The following NCOA6 variants were observed in gnomAD, a reference collection of about 807,000 sequenced individuals.
The protein encoded by NCOA6 is nuclear receptor coactivator 6, also known as NRC RAP250.
NCOA6 carries 49 observed loss-of-function variants against 171.4 expected under a neutral mutation model. That is an observed-to-expected ratio of 0.29 (90% CI 0.23 to 0.36). NCOA6 has a LOEUF of 0.36. Among genes scored for constraint, NCOA6 ranks in the 10% least tolerant of loss-of-function variants. The pLI is 1.00. For synonymous variants in NCOA6, 910 were observed against 927.5 expected, an observed-to-expected ratio of 0.98 and a Z score of 0.34; for missense variants, 2,248 against 2,554.5, an observed-to-expected ratio of 0.88 and a Z score of 2.59.
chr20:34,793,959 C>T (rs1262248874), intron 1 of NCOA6, among the ~76,000 whole-genome samples: 1 of 152,052 alleles, frequency 6.6e-6, no homozygotes, highest in Non-Finnish European at 1.5e-5. Flanking sequence ...AAGATGTTTA[C>T]CCTCACACAA....
chr20:34,788,017 C>A (rs1248531579), intron 2 of NCOA6, among the ~76,000 whole-genome samples: 1 of 152,036 alleles, frequency 6.6e-6, no homozygotes. Context: ...CAGGCAGATG[C>A]CACCACGCTT....
intron 5 of NCOA6, among the ~76,000 whole-genome samples, chr20:34,761,956 C>G (rs993042384): frequency 2.6e-5 from 4 of 152,120 alleles, no homozygotes; most frequent in Non-Finnish European, 5.9e-5. Context: ...GCCCGGCTGA[C>G]TGCATGGTTT....
intron 1 of NCOA6, among the ~76,000 whole-genome samples, chr20:34,804,127 G>A (rs193109161): frequency 4.4e-4 from 67 of 152,084 alleles, no homozygotes; most frequent in South Asian, 2.9e-3. Context: ...ACCTGAGGTC[G>A]GGAGTTGGAG....
chr20:34,737,941 C>T (rs776377181), intron 11 of NCOA6, among the ~76,000 whole-genome samples: 1 of 152,184 alleles, frequency 6.6e-6, no homozygotes, highest in Non-Finnish European at 1.5e-5. Flanking sequence ...CTCTGTTGCC[C>T]AGGCTGTAGT....
At chr20:34,715,446 C>A (rs779116933) in intron 14 of NCOA6, 81 bp from the exon 15 acceptor site, 61 of 1,035,226 alleles carry the variant, frequency 5.9e-5, no homozygotes, top group Non-Finnish European at 9.1e-5. Flanking sequence ...ACAAGCAGGG[C>A]AGACCTAAGG....
Position 34,743,100 on chromosome 20 carries a change from T to G in NCOA6, c.3156A>C (p.Gln1052His), listed in dbSNP as rs933952406. 6.2e-7 allele frequency: 1 copy of G among 1,613,522 alleles called. No homozygotes were observed. The highest frequency in any genetic ancestry group is 1.7e-4 in the Middle Eastern group (1 of 6,060). ...GGGGGCCCCTTGGAGGATGGACATT[T>G]TGAGAGACTGGAAGCCTAACTGATT... ...DPKSVRLPVS[Q>H]NVHPPRGPLN... The change falls in exon 11 of 15, where the codon CAA becomes CAC. Residue 1052 changes from glutamine (Q) to histidine (H), a missense_variant. By Grantham distance (24) the Gln-to-His change is conservative. Coordinates refer to ENST00000359003, the MANE Select transcript of NCOA6 (RefSeq NM_014071.5).
chr20:34,804,674 CAT>C (rs1413716057), intron 1 of NCOA6, among the ~76,000 whole-genome samples: 4 of 151,768 alleles, frequency 2.6e-5, no homozygotes, highest in African/African-American at 7.3e-5. Flanking sequence ...ATATATAAAA[CAT>C]GTTACTTCCG....
chr20:34,804,632 A>G (rs955236096), intron 1 of NCOA6, among the ~76,000 whole-genome samples: 2 of 152,102 alleles, frequency 1.3e-5, no homozygotes, highest in Non-Finnish European at 2.9e-5. Flanking sequence ...AATATTTAAC[A>G]TCATGAGCAA....
chr20:34,799,517 A>T (rs1467050566), intron 1 of NCOA6, among the ~76,000 whole-genome samples: 2 of 152,220 alleles, frequency 1.3e-5, no homozygotes, highest in Non-Finnish European at 2.9e-5. Context: ...TAACCCAAAG[A>T]GTACTACTTC....
chr20:34,752,961 A>G (rs540190297), intron 8 of NCOA6, among the ~76,000 whole-genome samples: 14 of 151,894 alleles, frequency 9.2e-5, no homozygotes, highest in Non-Finnish European at 2.1e-4. Flanking sequence ...AAAAACATGT[A>G]CATGTGGAAG....
intron 13 of NCOA6, among the ~76,000 whole-genome samples, chr20:34,728,449 C>T (rs2036168099): frequency 6.6e-6 from 1 of 152,146 alleles, no homozygotes; most frequent in Non-Finnish European, 1.5e-5. Context: ...CATTTAGCAA[C>T]ATCTGGAGAC....
intron 2 of NCOA6, among the ~76,000 whole-genome samples, chr20:34,790,246 ATACATGC>A (rs2077827787): frequency 6.6e-6 from 1 of 152,178 alleles, no homozygotes; most frequent in African/African-American, 2.4e-5. Flanking sequence ...TGAAGTGCTG[ATACATGC>A]TACAACGGAG....
chr20:34,740,123 A>G (rs2076086189), intron 11 of NCOA6, among the ~76,000 whole-genome samples: 1 of 152,210 alleles, frequency 6.6e-6, no homozygotes, highest in African/African-American at 2.4e-5. Flanking sequence ...TCGGCCTCCC[A>G]AAGTGCTGGG....
At position 34,734,012 on chromosome 20, in the gene NCOA6, A is replaced by G. The variant is rs17398639; in HGVS notation, c.5963-1417T>C. Among the ~76,000 whole-genome samples, 563 of 152,294 alleles carry G rather than the reference A, an allele frequency of 3.7e-3. 5 individuals are homozygous for G. Among genetic ancestry groups the G allele is most frequent in the Non-Finnish European group, 5.9e-3 (399 of 68,014 alleles). The stretch of plus-strand genomic sequence containing the variant: ...CTTTGCTGGCTTGGCTGGAACGTAT[A>G]AACTCAGGTAATGTGTGCTCAAAAA... On this transcript the variant is annotated intron_variant, in intron 12 of 14. Transcript: ENST00000359003.
At chr20:34,761,979 A>G (rs867619072) in intron 5 of NCOA6, among the ~76,000 whole-genome samples, 1 of 152,158 alleles carries the variant, frequency 6.6e-6, no homozygotes, top group Non-Finnish European at 1.5e-5. Context: ...ATATATGTCC[A>G]TTATATAAAA....
chr20:34,729,232 T>C (rs1326720902), intron 13 of NCOA6, among the ~76,000 whole-genome samples: 1 of 152,218 alleles, frequency 6.6e-6, no homozygotes, highest in African/African-American at 2.4e-5. Flanking sequence ...ATTACAGGTG[T>C]GAGCCACAAC....
chr20:34,727,112 G>C (rs1329343411), intron 14 of NCOA6, 147 bp downstream of exon 14: 1 of 921,846 alleles, frequency 1.1e-6, no homozygotes, highest in Non-Finnish European at 1.6e-6. Context: ...ACAAATAAAG[G>C]AAGGACCAAA....
At position 34,740,445 on chromosome 20, in the gene NCOA6, A is replaced by G; in HGVS notation, c.5811T>C (p.His1937=). 2 of 1,614,170 alleles carry G rather than the reference A, an allele frequency of 1.2e-6. No homozygotes were observed. The highest frequency in any genetic ancestry group is 2.2e-5 in the South Asian group (2 of 91,076). ...CAAGTGACTCAGATGCTATGCCACC[A>G]TGATTGCTTTTTGTGGTCGGTACGG... ...ISAVPTTKSN[H]GGIASESLAG... is the part of the protein sequence containing the mutation. Residue 1937 remains histidine, a synonymous_variant, in exon 11 of 15, where the codon CAT becomes CAC. Coordinates refer to ENST00000359003, the MANE Select transcript of NCOA6 (RefSeq NM_014071.5).
chr20:34,804,821 T>C (rs1035278016), intron 1 of NCOA6, among the ~76,000 whole-genome samples: 3 of 152,150 alleles, frequency 2.0e-5, no homozygotes, highest in Admixed American at 1.3e-4. Context: ...CATCACCTCA[T>C]TTATTATTTG....
Sources: gnomAD v4.1 joint callset for allele counts (sites outside exome capture counted in the v4.1 genomes callset) on GRCh38, gnomAD v4.1.1 for gene constraint, MANE v1.5 for transcripts, NCBI Gene and HGNC (gene_info 2026-07-23, HGNC 2026-07-21) for gene names.